Variants in ADGRL3 observed in about 807,000 individuals in gnomAD.
The protein encoded by ADGRL3 is calcium-independent alpha-latrotoxin receptor 3.
ADGRL3 carries 62 observed loss-of-function variants against 153.5 expected under a neutral mutation model. That is an observed-to-expected ratio of 0.40 (90% CI 0.33 to 0.50). The LOEUF is 0.50. ADGRL3 is among the 20% of genes least tolerant of loss of function. The pLI is 0.47. For synonymous variants in ADGRL3, 710 were observed against 672.5 expected (o/e 1.06, Z -0.86); for missense variants, 1,641 against 1,859.4 (o/e 0.88, Z 2.16).
At chr4:61,719,896 C>T (rs570428406) in intron 6 of ADGRL3, among the ~76,000 whole-genome samples, 16 of 152,182 alleles carry the variant, frequency 1.1e-4, no homozygotes, top group African/African-American at 3.4e-4. Context: ...AGCCACCGCT[C>T]CCGCCCCCTG....
At chr4:61,350,343 G>GT (rs34524532) in intron 1 of ADGRL3, among the ~76,000 whole-genome samples, 69,657 of 127,692 alleles carry the variant, frequency 0.55, 19,351 homozygotes, top group East Asian at 0.76. Flanking sequence ...TCTGATGGAG[G>GT]TTTTTTTTTT....
chr4:61,234,136 G>A (rs1286963314), intron 1 of ADGRL3, among the ~76,000 whole-genome samples: 2 of 152,114 alleles, frequency 1.3e-5, no homozygotes, highest in African/African-American at 4.8e-5. Flanking sequence ...GGCAGAGGTT[G>A]TGTGTTAGTC....
chr4:61,983,709 G>A, intron 19 of ADGRL3, 106 bp downstream of exon 19: 4 of 943,112 alleles, frequency 4.2e-6, no homozygotes, highest in South Asian at 1.6e-5. Context: ...AAACTGGGCA[G>A]CAAATGTGTA....
chr4:61,953,819 A>G (rs1249282234), intron 17 of ADGRL3, among the ~76,000 whole-genome samples: 2 of 152,200 alleles, frequency 1.3e-5, no homozygotes, highest in African/African-American at 2.4e-5. Context: ...TCATAAGTTA[A>G]TGTGTGGACA....
intron 2 of ADGRL3, among the ~76,000 whole-genome samples, chr4:61,447,533 G>T (rs2097599187): frequency 6.6e-6 from 1 of 152,094 alleles, no homozygotes; most frequent in Non-Finnish European, 1.5e-5. Context: ...TAGTGATTCA[G>T]GTTTGGTATA....
chr4:61,363,338 A>AT (rs2096325841), intron 1 of ADGRL3, among the ~76,000 whole-genome samples: 1 of 130,792 alleles, frequency 7.6e-6, no homozygotes, highest in African/African-American at 2.6e-5. Flanking sequence ...AAAAGCCGGT[A>AT]ATTTTTTTTT....
At chr4:61,682,097 T>C (rs539493502) in intron 6 of ADGRL3, among the ~76,000 whole-genome samples, 100 of 152,148 alleles carry the variant, frequency 6.6e-4, no homozygotes, top group Middle Eastern at 3.4e-3. Context: ...GATCTATTTT[T>C]AAAAATATAC....
chr4:61,436,348 G>A (rs920249869), intron 2 of ADGRL3, among the ~76,000 whole-genome samples: 1 of 152,038 alleles, frequency 6.6e-6, no homozygotes, highest in African/African-American at 2.4e-5. Context: ...CTTACATTTT[G>A]GACATTCACA....
chr4:61,364,934 T>C (rs192361604), intron 1 of ADGRL3, among the ~76,000 whole-genome samples: 102 of 152,336 alleles, frequency 6.7e-4, no homozygotes, highest in African/African-American at 2.4e-3. Context: ...AATTCAGTGC[T>C]CATATTCTTA....
rs372301337 is a variant in ADGRL3 at position 61,831,088 on chromosome 4, C to G, written c.1480+17199C>G. Among the ~76,000 whole-genome samples the G allele has an allele frequency of 7.2e-4, 109 of 151,190 alleles. 1 individual carries two copies. The highest frequency in any genetic ancestry group is 2.4e-3 in the African/African-American group (98 of 41,164). On this transcript the variant is annotated intron_variant, in intron 9 of 26. Coordinates refer to ENST00000683033, the MANE Select transcript of ADGRL3 (RefSeq NM_001387552.1). The stretch of plus-strand genomic sequence containing the variant: ...ATTTCTAGTAGAGACAGGATTTCAC[C>G]GTGTTGGCCAGGCTGGTCTCAAATG...
chr4:61,710,696 G>A (rs1488650527), intron 6 of ADGRL3, among the ~76,000 whole-genome samples: 1 of 152,060 alleles, frequency 6.6e-6, no homozygotes, highest in Non-Finnish European at 1.5e-5. Context: ...CAGAATCTTG[G>A]TTGTTCTCTT....
At chr4:61,966,602 G>GTGTGTGTGTT (rs1287886442) in intron 17 of ADGRL3, among the ~76,000 whole-genome samples, 2 of 151,012 alleles carry the variant, frequency 1.3e-5, no homozygotes, top group African/African-American at 2.4e-5. Context: ...GTGTGTGTGT[G>GTGTGTGTGTT]TGTGAATGAA....
intron 6 of ADGRL3, among the ~76,000 whole-genome samples, chr4:61,722,140 A>C (rs2096253631): frequency 6.6e-6 from 1 of 152,204 alleles, no homozygotes; most frequent in African/African-American, 2.4e-5. Flanking sequence ...AAAATAAAGT[A>C]GTAAGTAATG....
At chr4:61,938,987 C>T (rs527678376) in intron 15 of ADGRL3, among the ~76,000 whole-genome samples, 3 of 151,116 alleles carry the variant, frequency 2.0e-5, no homozygotes, top group African/African-American at 7.3e-5. Context: ...TCTTAGTAAC[C>T]ATAGTAGTTG....
At chr4:61,785,814 A>T (rs984061852) in intron 8 of ADGRL3, among the ~76,000 whole-genome samples, 4 of 152,190 alleles carry the variant, frequency 2.6e-5, no homozygotes, top group African/African-American at 9.7e-5. Context: ...TTTCTTGCTA[A>T]GATTAATTTA....
At chr4:61,289,491 C>T (rs974208761) in intron 1 of ADGRL3, among the ~76,000 whole-genome samples, 3 of 151,872 alleles carry the variant, frequency 2.0e-5, no homozygotes, top group Admixed American at 1.3e-4. Context: ...TACATTATGG[C>T]AATAATGTAT....
chr4:61,585,022 TTGC>T (rs1240849079), intron 4 of ADGRL3, among the ~76,000 whole-genome samples: 3 of 152,020 alleles, frequency 2.0e-5, no homozygotes, highest in African/African-American at 7.2e-5. Flanking sequence ...TGAGAGTACC[TTGC>T]TAAGTGTTGA....
Position 61,730,630 on chromosome 4 carries a change from CA to C in ADGRL3, c.597del (p.Val200PhefsTer8). On this transcript the variant is annotated frameshift_variant, in exon 7 of 27. Coordinates refer to ENST00000683033, the MANE Select transcript of ADGRL3 (RefSeq NM_001387552.1). LOFTEE classifies it high-confidence loss of function. ...TTCTCTCTCTCCAATAGAAGTGGAA[CA>C]AAAAGGTAATTAAATACCTTTCATA... ...QYECVPYKVEQKVFLCPGLLK... is the reference protein window; with the variant it reads ...QYECVPYKVEXKVFLCPGLLK... 6 of 565,472 alleles carry C rather than the reference CA, an allele frequency of 1.1e-5. No individual in the cohort carries two copies. Among genetic ancestry groups the C allele is most frequent in the South Asian group, 1.0e-4 (3 of 29,658 alleles). 35.0% of individuals were successfully genotyped at this position (565,472 alleles called of 1,614,324 possible).
intron 25 of ADGRL3, chr4:62,063,580 T>C (rs763739203): frequency 2.7e-4 from 190 of 699,494 alleles, no homozygotes; most frequent in Admixed American, 3.0e-4. Flanking sequence ...AATACATTGC[T>C]TGGGGAACCG....
Sources: allele counts gnomAD v4.1 joint callset (sites outside exome capture counted in the v4.1 genomes callset), GRCh38; gene constraint gnomAD v4.1.1; transcripts MANE v1.5; gene names NCBI Gene and HGNC (gene_info 2026-07-23, HGNC 2026-07-21).